Variants in MKLN1 observed in about 807,000 individuals in gnomAD.
MKLN1 encodes the protein muskelin 1, also known as muskelin.
MKLN1 carries 18 observed loss-of-function variants against 99.0 expected under a neutral mutation model. The observed-to-expected ratio is 0.18, with a 90% CI of 0.13 to 0.27. The LOEUF (loss-of-function observed/expected upper bound fraction) is 0.27, where lower values mean the gene tolerates loss of function less well. Ranked by LOEUF, MKLN1 falls within the 10% of genes least tolerant of loss-of-function variation. The pLI, the probability that MKLN1 is intolerant of heterozygous loss-of-function variation, is 1.00. For synonymous variants in MKLN1, 288 were observed against 293.2 expected (o/e 0.98, Z 0.18); for missense variants, 621 against 875.9 (o/e 0.71, Z 3.67).
intron 2 of MKLN1, among the ~76,000 whole-genome samples, chr7:131,382,437 A>G (rs1179916702): frequency 6.6e-6 from 1 of 151,454 alleles, no homozygotes; most frequent in Non-Finnish European, 1.5e-5. Flanking sequence ...ATGATTAATG[A>G]TGTTACCATT....
rs374054771 is a variant in MKLN1 at position 131,465,668 on chromosome 7, A to T, written c.1789-608A>T. The stretch of plus-strand genomic sequence containing the variant: ...ATTCTCCTGCCTCAGCCTCCCAGGT[A>T]GCTGGGACTACAGGCGCCCGCCACC... On this transcript the variant is annotated intron_variant, in intron 14 of 17. Coordinates refer to ENST00000352689, the MANE Select transcript of MKLN1 (RefSeq NM_013255.5). 9.9e-5 allele frequency among the ~76,000 whole-genome samples: 15 copies of T among 152,062 alleles called. No homozygotes were observed. In the South Asian group the frequency reaches 1.5e-3, roughly 15 times the overall value.
intron 1 of MKLN1, among the ~76,000 whole-genome samples, chr7:131,121,587 C>G (rs942330838): frequency 9.2e-5 from 12 of 130,878 alleles, no homozygotes; most frequent in African/African-American, 3.4e-4. Context: ...TGCAGTGAGC[C>G]GAGATCGCGC....
In MKLN1 at chr7:131,419,342, C is replaced by T. The variant is rs535339976; in HGVS notation, c.847+4632C>T. Among the ~76,000 whole-genome samples, 28 of 148,934 alleles carry T rather than the reference C, an allele frequency of 1.9e-4. 1 individual carries two copies. In the South Asian group the frequency reaches 5.7e-3, roughly 30 times the overall value. ...CTCGGCTCACTGCAACCTCTGCCTC[C>T]GGGGTTCAAGTGACTCTCCTGCCTC... On this transcript the variant is annotated intron_variant, in intron 8 of 17. Transcript: ENST00000352689.
intron 2 of MKLN1, among the ~76,000 whole-genome samples, chr7:131,168,869 CT>C (rs61416767): frequency 0.1 from 14,390 of 139,124 alleles, 744 homozygotes; most frequent in South Asian, 0.17. Context: ...TCGTTGTTTT[CT>C]TTTTTTTTTT....
At chr7:131,127,290 A>G (rs1795479571) in intron 1 of MKLN1, among the ~76,000 whole-genome samples, 1 of 152,214 alleles carries the variant, frequency 6.6e-6, no homozygotes, top group South Asian at 2.1e-4. Context: ...GTGGCAGTGT[A>G]GCCAGTGACC....
At chr7:131,448,278 A>G (rs1796076015) in intron 12 of MKLN1, among the ~76,000 whole-genome samples, 1 of 152,234 alleles carries the variant, frequency 6.6e-6, no homozygotes, top group Non-Finnish European at 1.5e-5. Context: ...AACTAGTAAA[A>G]TAAAAATTCA....
intron 1 of MKLN1, among the ~76,000 whole-genome samples, chr7:131,356,048 C>T (rs558968869): frequency 7.8e-4 from 118 of 151,280 alleles, no homozygotes; most frequent in South Asian, 4.2e-3. Context: ...TATATACCTC[C>T]CAATAGTTCC....
chr7:131,224,367 G>A (rs532792641), intron 3 of MKLN1, among the ~76,000 whole-genome samples: 15 of 115,834 alleles, frequency 1.3e-4, no homozygotes, highest in South Asian at 3.0e-4. Context: ...CCAACATGGC[G>A]AAACCCCATC....
chr7:131,395,613 T>G (rs1794338491), intron 4 of MKLN1, among the ~76,000 whole-genome samples: 2 of 151,814 alleles, frequency 1.3e-5, no homozygotes, highest in Non-Finnish European at 2.9e-5. Flanking sequence ...TACACACCAT[T>G]GCTTTTGTAC....
chr7:131,315,411 A>G (rs902366710), intron 3 of MKLN1, among the ~76,000 whole-genome samples: 3 of 152,158 alleles, frequency 2.0e-5, no homozygotes, highest in African/African-American at 7.2e-5. Flanking sequence ...CAAGCCGGAG[A>G]TCAGGAGAGT....
intron 3 of MKLN1, among the ~76,000 whole-genome samples, chr7:131,207,636 C>T (rs977921084): frequency 6.6e-6 from 1 of 152,144 alleles, no homozygotes; most frequent in Non-Finnish European, 1.5e-5. Flanking sequence ...TTCAATGTAC[C>T]ATGGCCTACC....
intron 4 of MKLN1, among the ~76,000 whole-genome samples, chr7:131,394,459 T>G (rs924671521): frequency 6.6e-6 from 1 of 152,014 alleles, no homozygotes; most frequent in Non-Finnish European, 1.5e-5. Flanking sequence ...CTTAGATCCC[T>G]TGTATTTGCA....
At chr7:131,332,278 A>T (rs575670575) in intron 1 of MKLN1, among the ~76,000 whole-genome samples, 23 of 149,764 alleles carry the variant, frequency 1.5e-4, no homozygotes, top group Non-Finnish European at 2.7e-4. Context: ...AAAGAAAAAA[A>T]ATATATAAAT....
intron 3 of MKLN1, among the ~76,000 whole-genome samples, chr7:131,256,157 C>T (rs975965471): frequency 4.6e-5 from 7 of 152,100 alleles, no homozygotes; most frequent in Non-Finnish European, 8.8e-5. Context: ...CCACCCACCT[C>T]GGCCTCCCAA....
At chr7:131,332,725 A>T (rs1001345797) in intron 1 of MKLN1, among the ~76,000 whole-genome samples, 1 of 151,664 alleles carries the variant, frequency 6.6e-6, no homozygotes. Context: ...TATAGTAAAT[A>T]CTTCCTTATG....
Position 131,458,904 on chromosome 7 carries a change from T to A in MKLN1, c.1526-4313T>A, listed in dbSNP as rs180672455. ...ATAAGTTGTAGGGCCAAAAGAGTTG[T>A]GATACTTTTCCTCAACCCTTTTAAG... On this transcript the variant is annotated intron_variant, in intron 12 of 17. Transcript: ENST00000352689. Among the ~76,000 whole-genome samples, 29 of 152,312 alleles carry A rather than the reference T, an allele frequency of 1.9e-4. 1 individual carries two copies. The East Asian group carries it at 5.6e-3, about 29-fold the overall frequency.
chr7:131,130,879 C>A (rs1189887098), intron 1 of MKLN1, among the ~76,000 whole-genome samples: 1 of 151,728 alleles, frequency 6.6e-6, no homozygotes, highest in African/African-American at 2.4e-5. Flanking sequence ...ATAGTAAGAC[C>A]TGTCACTACA....
At chr7:131,163,580 T>C (rs1345023563) in intron 2 of MKLN1, among the ~76,000 whole-genome samples, 3 of 152,156 alleles carry the variant, frequency 2.0e-5, no homozygotes, top group Admixed American at 6.5e-5. Flanking sequence ...AAAACCTCAA[T>C]AGGACATTCT....
intron 3 of MKLN1, among the ~76,000 whole-genome samples, chr7:131,279,320 C>T (rs1223085384): frequency 1.3e-5 from 2 of 152,096 alleles, no homozygotes; most frequent in Non-Finnish European, 1.5e-5. Context: ...TATGTGAAGC[C>T]AGTAGTGCAA....
Sources: allele counts gnomAD v4.1 joint callset (sites outside exome capture counted in the v4.1 genomes callset), GRCh38; gene constraint gnomAD v4.1.1; transcripts MANE v1.5; gene names NCBI Gene and HGNC (gene_info 2026-07-23, HGNC 2026-07-21).